Variants in ARMC8 observed in about 807,000 individuals in gnomAD.
ARMC8 encodes the protein armadillo repeat containing 8.
Under a neutral mutation model 99.3 loss-of-function variants are expected in ARMC8, and 20 were observed. The ratio of observed to expected loss-of-function variants is 0.20; its 90% CI spans 0.14 to 0.29. The LOEUF (loss-of-function observed/expected upper bound fraction) is 0.29. Ranked by LOEUF, ARMC8 falls within the 10% of genes least tolerant of loss-of-function variation. The pLI, the probability that ARMC8 is intolerant of heterozygous loss-of-function variation, is 1.00. For synonymous variants in ARMC8, 263 were observed against 278.3 expected (o/e 0.95, Z 0.55); for missense variants, 569 against 809.5 (o/e 0.70, Z 3.60).
At chr3:138,235,329 A>G (rs1169962881) in intron 7 of ARMC8, among the ~76,000 whole-genome samples, 3 of 151,666 alleles carry the variant, frequency 2.0e-5, no homozygotes. Context: ...TTGTACCATG[A>G]GTTCTTATTG....
At chr3:138,288,936 C>T (rs1328393051) in intron 19 of ARMC8, 112 bp from the exon 20 acceptor site, 1 of 814,338 alleles carries the variant, frequency 1.2e-6, no homozygotes, top group Non-Finnish European at 2.0e-6. Flanking sequence ...CTCACCTGGC[C>T]CTGCTTCAGA....
intron 6 of ARMC8, among the ~76,000 whole-genome samples, chr3:138,233,659 C>T (rs761837155): frequency 2.0e-5 from 3 of 152,140 alleles, no homozygotes; most frequent in Non-Finnish European, 2.9e-5. Flanking sequence ...TTCAGAAGTA[C>T]GAATGCTAAT....
chr3:138,238,679 G>C (rs2046455006), intron 9 of ARMC8: 1 of 152,142 alleles, frequency 6.6e-6, no homozygotes, highest in African/African-American at 2.4e-5. Flanking sequence ...ATGGTAACAA[G>C]CCTCAAGATA....
At chr3:138,245,606 AT>A (rs2046845013) in intron 12 of ARMC8, 2 of 1,003,208 alleles carry the variant, frequency 2.0e-6, no homozygotes, top group African/African-American at 3.5e-5. Flanking sequence ...GTTCTTTGAT[AT>A]GTGGCTTAGT....
At chr3:138,275,617 C>T (rs192840032) in intron 18 of ARMC8, among the ~76,000 whole-genome samples, 39 of 152,084 alleles carry the variant, frequency 2.6e-4, no homozygotes, top group Admixed American at 5.9e-4. Context: ...GAAAGAAACT[C>T]GCCCAAGGTC....
At chr3:138,201,716 C>T (rs1033599502) in intron 1 of ARMC8, among the ~76,000 whole-genome samples, 3 of 152,152 alleles carry the variant, frequency 2.0e-5, no homozygotes, top group African/African-American at 7.2e-5. Context: ...GCCTCGGTCT[C>T]CCAAAGTGCT....
intron 11 of ARMC8, among the ~76,000 whole-genome samples, chr3:138,242,820 A>G (rs1355458313): frequency 6.6e-6 from 1 of 152,148 alleles, no homozygotes; most frequent in East Asian, 1.9e-4. Flanking sequence ...TTGGCTTTTA[A>G]CTTTGAAAAT....
At chr3:138,215,723 A>G (rs2044988579) in intron 2 of ARMC8, among the ~76,000 whole-genome samples, 1 of 152,184 alleles carries the variant, frequency 6.6e-6, no homozygotes. Flanking sequence ...AGTTAAATAC[A>G]TTAAATATCC....
At chr3:138,209,076 T>C (rs916057106) in intron 1 of ARMC8, among the ~76,000 whole-genome samples, 1 of 152,254 alleles carries the variant, frequency 6.6e-6, no homozygotes, top group East Asian at 1.9e-4. Flanking sequence ...CTCTTGTACC[T>C]AGACTACCCC....
intron 9 of ARMC8, 31 bp downstream of exon 9, chr3:138,237,603 C>T: frequency 1.3e-6 from 2 of 1,562,788 alleles, no homozygotes; most frequent in African/African-American, 1.4e-5. Flanking sequence ...GGAAGAAAGA[C>T]AGTGCTTTAT....
chr3:138,257,685 T>A (rs1171039500), intron 12 of ARMC8, among the ~76,000 whole-genome samples: 1 of 152,026 alleles, frequency 6.6e-6, no homozygotes, highest in Admixed American at 6.6e-5. Context: ...AAAAAAAAAA[T>A]TTAAGTGAGG....
intron 2 of ARMC8, among the ~76,000 whole-genome samples, chr3:138,220,337 A>C (rs2045322567): frequency 6.6e-6 from 1 of 152,224 alleles, no homozygotes; most frequent in Non-Finnish European, 1.5e-5. Flanking sequence ...TCAGTCCCAT[A>C]AACAACAACA....
chr3:138,292,457 G>C (rs1032970743), intron 21 of ARMC8, among the ~76,000 whole-genome samples: 6 of 152,218 alleles, frequency 3.9e-5, no homozygotes, highest in African/African-American at 1.4e-4. Flanking sequence ...GTAAGGGAGT[G>C]GGGGGATTAG....
chr3:138,245,067 A>G (rs765347350), intron 11 of ARMC8, 21 bp from the exon 12 acceptor site: 3 of 1,613,002 alleles, frequency 1.9e-6, no homozygotes, highest in South Asian at 1.1e-5. Flanking sequence ...GAGTTGGAAC[A>G]TATCCTTTTT....
At position 138,263,986 on chromosome 3, in the gene ARMC8, A is replaced by G. The variant is rs904822668; in HGVS notation, c.1218-145A>G. The G allele has an allele frequency of 7.4e-6, 7 of 952,044 alleles. No individual in the cohort carries two copies. The African/African-American group carries it at 9.7e-5, about 13-fold the overall frequency. The allele number at this position is 952,044 out of a possible 1,614,324, so 59.0% of individuals were successfully genotyped here. ...TGTCTAACAGAGAGCCTGGCCTCCA[A>G]ACCCCATAAAGTGGTCTGATGTAGT... On this transcript the variant is annotated intron_variant, in intron 13 of 21. Transcript: ENST00000469044.
intron 2 of ARMC8, among the ~76,000 whole-genome samples, chr3:138,220,559 A>G (rs1196414750): frequency 6.6e-6 from 1 of 152,210 alleles, no homozygotes. Flanking sequence ...TAGTTGTTGC[A>G]GTATTTTTCT....
At chr3:138,233,349 A>G (rs1175036055) in intron 6 of ARMC8, among the ~76,000 whole-genome samples, 1 of 152,206 alleles carries the variant, frequency 6.6e-6, no homozygotes, top group East Asian at 1.9e-4. Flanking sequence ...ACTATATCAC[A>G]CCATTTTACT....
At chr3:138,263,310 G>A (rs1009028167) in intron 12 of ARMC8, among the ~76,000 whole-genome samples, 22 of 152,174 alleles carry the variant, frequency 1.4e-4, no homozygotes, top group African/African-American at 5.1e-4. Context: ...GTAGCCACAG[G>A]GTGGCTCTGT....
chr3:138,243,109 C>T (rs556463041), intron 11 of ARMC8, among the ~76,000 whole-genome samples: 1 of 152,270 alleles, frequency 6.6e-6, no homozygotes, highest in Admixed American at 6.5e-5. Flanking sequence ...TCATGAACGC[C>T]CTGAGTTGAC....
Sources: gnomAD v4.1 joint callset for allele counts (sites outside exome capture counted in the v4.1 genomes callset) on GRCh38, gnomAD v4.1.1 for gene constraint, MANE v1.5 for transcripts, NCBI Gene and HGNC (gene_info 2026-07-23, HGNC 2026-07-21) for gene names.